The following ZC4H2 variants were observed in gnomAD, a reference collection of about 807,000 sequenced individuals.
The protein encoded by ZC4H2 is zinc finger C4H2-type containing.
For missense variants in ZC4H2, 137 were observed against 173.9 expected (o/e 0.79, Z 1.19); for synonymous variants, 84 against 66.3 (o/e 1.27, Z -1.30).
At chrX:64,944,262 T>G (rs1930429205) in intron 1 of ZC4H2, among the ~76,000 whole-genome samples, 1 of 107,096 alleles carries the variant, frequency 9.3e-6, no homozygotes, top group Non-Finnish European at 1.9e-5. Context: ...TGCCTCAGCC[T>G]CCCGAGTAGC....
intron 1 of ZC4H2, among the ~76,000 whole-genome samples, chrX:64,935,328 G>A (rs1929954212): frequency 8.9e-6 from 1 of 111,947 alleles, no homozygotes; most frequent in South Asian, 3.7e-4. Flanking sequence ...CCCAGTCAGG[G>A]ACTTATAGAT....
intron 1 of ZC4H2, among the ~76,000 whole-genome samples, chrX:64,972,684 G>A (rs761052012): frequency 1.8e-5 from 2 of 111,667 alleles, no homozygotes; most frequent in South Asian, 3.7e-4. Flanking sequence ...GTCCTTATCC[G>A]TAAAGTGGGG....
At chrX:65,026,569 C>T (rs923819176) in intron 1 of ZC4H2, among the ~76,000 whole-genome samples, 4 of 110,504 alleles carry the variant, frequency 3.6e-5, no homozygotes, top group African/African-American at 1.3e-4. Context: ...ATTAGCCAGG[C>T]GTGGTGGTGG....
In ZC4H2 at chrX:64,916,026, A is replaced by T. The variant is rs1928903499; in HGVS notation, c.*1757T>A. 8.9e-6 allele frequency: 1 copy of T among 112,186 alleles called. No homozygotes were observed. The highest frequency in any genetic ancestry group is 1.9e-5 in the Non-Finnish European group (1 of 53,266). 9.2% of individuals were successfully genotyped at this position (112,186 alleles called of 1,213,427 possible). A position where few individuals can be genotyped will look rare whatever the true frequency, so the allele number is the denominator to read the frequency against. ...TTCTGAAAGGGAGAAAGGTTTTCTT[A>T]AAAATGATCATGGAGAAGAAGTAGA... On this transcript the variant is annotated 3_prime_UTR_variant, in exon 5 of 5. Transcript: ENST00000374839.
At chrX:64,918,103 A>G (rs1333393785) in intron 4 of ZC4H2, 19 of 394,715 alleles carry the variant, frequency 4.8e-5, no homozygotes. Context: ...GTTGAGAAAA[A>G]GTATACAAAA....
intron 1 of ZC4H2, among the ~76,000 whole-genome samples, chrX:64,933,606 G>A (rs1451174331): frequency 9.1e-6 from 1 of 110,278 alleles, no homozygotes; most frequent in Non-Finnish European, 1.9e-5. Flanking sequence ...GTGATTTTAG[G>A]ATGAAAACTC....
At chrX:64,946,140 C>A (rs1408313738) in intron 1 of ZC4H2, among the ~76,000 whole-genome samples, 2 of 109,726 alleles carry the variant, frequency 1.8e-5, no homozygotes, top group African/African-American at 3.3e-5. Flanking sequence ...GAAAAAAAAC[C>A]AAAACCAAAA....
chrX:64,961,016 C>T (rs999309678), intron 1 of ZC4H2, among the ~76,000 whole-genome samples: 3 of 110,828 alleles, frequency 2.7e-5, no homozygotes, highest in African/African-American at 6.5e-5. Flanking sequence ...ATTTTCTGTC[C>T]GACTGTTCCA....
In ZC4H2 at chrX:65,027,801, A is replaced by G. The variant is rs963710354; in HGVS notation, c.-272+6828T>C. The stretch of plus-strand genomic sequence containing the variant: ...ATGTGTCCTTTATTCGCTATTGAAT[A>G]TAATGCCAAATGAGGTCCAGATCAA... On this transcript the variant is annotated intron_variant, in intron 1 of 4. Coordinates refer to the ZC4H2 transcript ENST00000337990. Among the ~76,000 whole-genome samples, 5 of 111,958 alleles carry G rather than the reference A, an allele frequency of 4.5e-5. No individual in the cohort carries two copies. In the East Asian group the frequency reaches 1.4e-3, roughly 31 times the overall value.
Position 64,916,017 on chromosome X carries a change from G to T in ZC4H2, c.*1766C>A, listed in dbSNP as rs1484485859. The T allele has an allele frequency of 8.9e-6, 1 of 111,890 alleles. No individual in the cohort carries two copies. The highest frequency in any genetic ancestry group is 1.9e-5 in the Non-Finnish European group (1 of 53,213). 9.2% of individuals were successfully genotyped at this position (111,890 alleles called of 1,213,427 possible). On this transcript the variant is annotated 3_prime_UTR_variant, in exon 5 of 5. Transcript: ENST00000374839. ...ATCAAGCCATTCTGAAAGGGAGAAA[G>T]GTTTTCTTAAAAATGATCATGGAGA...
In ZC4H2 at chrX:64,964,408, G is replaced by A. The variant is rs769146787; in HGVS notation, c.53+11917C>T. Among the ~76,000 whole-genome samples the A allele has an allele frequency of 3.6e-5, 4 of 111,053 alleles. No individual in the cohort carries two copies. The Admixed American group carries it at 3.9e-4, about 11-fold the overall frequency. ...AAATCCATAAAGAACATCACACCAAGCTATATCATAATCAAATTGCTCAAA... is the reference window on the plus strand; with the variant it reads ...AAATCCATAAAGAACATCACACCAAACTATATCATAATCAAATTGCTCAAA... On this transcript the variant is annotated intron_variant, in intron 1 of 4. Transcript: ENST00000374839.
intron 1 of ZC4H2, among the ~76,000 whole-genome samples, chrX:65,020,066 G>A (rs1355464021): frequency 8.9e-6 from 1 of 112,000 alleles, no homozygotes; most frequent in African/African-American, 3.2e-5. Flanking sequence ...TCTGATTGGT[G>A]TACCTGAAAG....
chrX:64,941,401 T>C (rs1253631403), intron 1 of ZC4H2, among the ~76,000 whole-genome samples: 1 of 112,076 alleles, frequency 8.9e-6, no homozygotes, highest in African/African-American at 3.2e-5. Context: ...TCTTGCCTGA[T>C]TGCCCTGGCC....
intron 1 of ZC4H2, among the ~76,000 whole-genome samples, chrX:64,973,815 G>C (rs182393032): frequency 9.0e-6 from 1 of 111,323 alleles, no homozygotes; most frequent in Non-Finnish European, 1.9e-5. Flanking sequence ...CTAGGGCATC[G>C]TCAGTTTCTG....
chrX:64,955,228 T>C (rs900007972), intron 1 of ZC4H2, among the ~76,000 whole-genome samples: 2 of 112,076 alleles, frequency 1.8e-5, no homozygotes, highest in African/African-American at 6.5e-5. Context: ...TGATGGGCCA[T>C]TTAAACATTT....
chrX:64,951,993 G>A (rs1489418153), intron 1 of ZC4H2, among the ~76,000 whole-genome samples: 1 of 111,115 alleles, frequency 9.0e-6, no homozygotes, highest in Non-Finnish European at 1.9e-5. Context: ...TATAAGGAAG[G>A]GATCCAGTTT....
At chrX:64,994,671 A>C (rs1187405794) in intron 1 of ZC4H2, among the ~76,000 whole-genome samples, 1 of 111,175 alleles carries the variant, frequency 9.0e-6, no homozygotes. Context: ...TGGCTTTTTT[A>C]TTTACTGAAG....
chrX:64,924,693 A>T (rs1929352322), intron 1 of ZC4H2, among the ~76,000 whole-genome samples: 1 of 111,469 alleles, frequency 9.0e-6, no homozygotes, highest in African/African-American at 3.3e-5. Flanking sequence ...GCAGGTGGGC[A>T]CACAGGAGAA....
At chrX:64,976,197 C>A in intron 1 of ZC4H2, 128 bp downstream of exon 1, 1 of 751,967 alleles carries the variant, frequency 1.3e-6, no homozygotes, top group Non-Finnish European at 2.0e-6. Context: ...CCTCACCTCT[C>A]CGGCAAGTCT....
Sources: gnomAD v4.1 joint callset for allele counts (sites outside exome capture counted in the v4.1 genomes callset) on GRCh38, gnomAD v4.1.1 for gene constraint, MANE v1.5 for transcripts, NCBI Gene and HGNC (gene_info 2026-07-23, HGNC 2026-07-21) for gene names.